Variants in PARP15 observed in about 807,000 individuals in gnomAD.
The protein encoded by PARP15 is protein mono-ADP-ribosyltransferase PARP15.
In PARP15, 50 loss-of-function variants were observed where a neutral mutation model predicts 62.1. The ratio of observed to expected loss-of-function variants is 0.81; its 90% CI spans 0.64 to 1.02. The LOEUF (loss-of-function observed/expected upper bound fraction) is 1.02, where lower values mean the gene tolerates loss of function less well. PARP15 is among the 50% of genes least tolerant of loss of function. PARP15 has a pLI of 0.00. For missense variants in PARP15, 820 were observed against 826.5 expected (o/e 0.99, Z 0.10); for synonymous variants, 309 against 293.1 (o/e 1.05, Z -0.55).
chr3:122,623,472 C>G (rs1378421562), intron 8 of PARP15, among the ~76,000 whole-genome samples: 1 of 152,146 alleles, frequency 6.6e-6, no homozygotes, highest in Non-Finnish European at 1.5e-5. Context: ...CAAGGGACTG[C>G]ATACAGAAAG....
chr3:122,602,061 A>G lies in PARP15; in HGVS notation c.187-3875A>G, dbSNP rs141919841. Among the ~76,000 whole-genome samples, 441 of 151,856 alleles carry G rather than the reference A, an allele frequency of 2.9e-3. 2 individuals carry two copies. Among genetic ancestry groups the G allele is most frequent in the African/African-American group, 0.01 (418 of 41,396 alleles). ...CTGAGCCACATTCTCTTTCTCTCAA[A>G]CTTGTGCAGTTATTCTTTGGACTTT... On this transcript the variant is annotated intron_variant, in intron 1 of 11. Coordinates refer to ENST00000464300, the MANE Select transcript of PARP15 (RefSeq NM_001113523.3).
rs114051840 is a variant in PARP15 at position 122,581,367 on chromosome 3, T to C, written c.186+3514T>C. On this transcript the variant is annotated intron_variant, in intron 1 of 11. Transcript: ENST00000464300. ...TCCAATTTCTTCACATCCTTGACAA[T>C]ACTTGTTATTTATTTTCTTTCTTCC... 4.2e-3 allele frequency among the ~76,000 whole-genome samples: 634 copies of C among 152,294 alleles called. 7 individuals carry two copies. The highest frequency in any genetic ancestry group is 0.015 in the African/African-American group (610 of 41,574).
intron 1 of PARP15, among the ~76,000 whole-genome samples, chr3:122,603,679 A>T (rs1276776447): frequency 6.6e-6 from 1 of 152,192 alleles, no homozygotes; most frequent in Non-Finnish European, 1.5e-5. Flanking sequence ...TAGTCTTCAC[A>T]TCAATGCTTT....
At position 122,577,728 on chromosome 3, in the gene PARP15, G is replaced by C. The variant is rs1374773302; in HGVS notation, c.61G>C (p.Glu21Gln). 3 of 1,551,728 alleles carry C rather than the reference G, an allele frequency of 1.9e-6. No homozygotes were observed. The highest frequency in any genetic ancestry group is 3.9e-5 in the Admixed American group (2 of 51,012). ...GAGTCCAGGGGCTCCGACCCCCAGA[G>C]AACTTATGCACGGAGTTGCAGGTGT... ...ALSPGAPTPRELMHGVAGVTS... is the reference protein window; with the variant it reads ...ALSPGAPTPRQLMHGVAGVTS... Residue 21 changes from glutamate (E) to glutamine (Q), a missense_variant, in exon 1 of 12, where the codon GAA becomes CAA. Transcript: ENST00000464300.
In PARP15 at chr3:122,610,669, G is replaced by C. The variant is rs1436265927; in HGVS notation, c.482G>C (p.Cys161Ser). The change falls in exon 3 of 12, where the codon TGC becomes TCC. Residue 161 changes from cysteine (C) to serine (S), a missense_variant. Around this residue, in one of 3 missense-constraint regions of PARP15, gnomAD observed 731 missense variants for 727.7 expected, o/e 1.00. Transcript: ENST00000464300. Reference protein sequence around the residue: ...IFMTSGCNLDCKAVLHAVAPY... With the variant: ...IFMTSGCNLDSKAVLHAVAPY... Reference sequence around the variant, plus strand: ...ATGACAAGCGGCTGCAATCTGGACTGCAAAGCTGTGCTCCATGCTGTGGCT... The same window carrying C: ...ATGACAAGCGGCTGCAATCTGGACTCCAAAGCTGTGCTCCATGCTGTGGCT... 2.6e-6 allele frequency: 4 copies of C among 1,550,232 alleles called. No homozygotes were observed. Among genetic ancestry groups the C allele is most frequent in the Non-Finnish European group, 3.5e-6 (4 of 1,146,234 alleles).
intron 7 of PARP15, 30 bp from the exon 8 acceptor site, chr3:122,621,414 G>A (rs1576534579): frequency 6.3e-7 from 1 of 1,581,058 alleles, no homozygotes; most frequent in Non-Finnish European, 8.6e-7. Flanking sequence ...TTAATGGGCT[G>A]CATGTTTGTT....
At chr3:122,589,888 C>CTTTT (rs34826853) in intron 1 of PARP15, among the ~76,000 whole-genome samples, 3 of 102,042 alleles carry the variant, frequency 2.9e-5, no homozygotes, top group Non-Finnish European at 5.9e-5. Context: ...TAAGGCATAA[C>CTTTT]TTTTTTTTTT....
At chr3:122,589,195 G>A (rs1352239943) in intron 1 of PARP15, among the ~76,000 whole-genome samples, 3 of 152,122 alleles carry the variant, frequency 2.0e-5, no homozygotes, top group African/African-American at 4.8e-5. Context: ...CTGGTTTGTC[G>A]ATGGCCCCTA....
At chr3:122,610,994 C>A (rs1365135742) in intron 3 of PARP15, among the ~76,000 whole-genome samples, 1 of 152,210 alleles carries the variant, frequency 6.6e-6, no homozygotes, top group Admixed American at 6.5e-5. Flanking sequence ...CTATTGAAAT[C>A]TTTATTACAT....
At position 122,577,651 on chromosome 3, in the gene PARP15, G is replaced by C; in HGVS notation, c.-17G>C. 1 of 1,551,488 alleles carries C rather than the reference G, an allele frequency of 6.4e-7. No individual in the cohort carries two copies. The highest frequency in any genetic ancestry group is 2.4e-5 in the East Asian group (1 of 40,914). ...GCCTGTTGGGTGGGGCGCAACTGCA[G>C]TCCCAGCGAGCTGAGGATGGCTGCG... On this transcript the variant is annotated 5_prime_UTR_variant, in exon 1 of 12. Coordinates refer to ENST00000464300, the MANE Select transcript of PARP15 (RefSeq NM_001113523.3).
At chr3:122,595,861 A>C (rs1934297576) in intron 1 of PARP15, among the ~76,000 whole-genome samples, 1 of 150,730 alleles carries the variant, frequency 6.6e-6, no homozygotes, top group African/African-American at 2.4e-5. Context: ...TTCTTTTCTC[A>C]TTCCTCTTCT....
intron 6 of PARP15, among the ~76,000 whole-genome samples, chr3:122,618,346 A>G (rs1376944586): frequency 2.0e-5 from 3 of 152,202 alleles, no homozygotes; most frequent in Non-Finnish European, 4.4e-5. Context: ...GGATATAAAC[A>G]CACAAGAAAA....
chr3:122,604,701 G>T (rs750227048), intron 1 of PARP15, among the ~76,000 whole-genome samples: 8 of 152,006 alleles, frequency 5.3e-5, no homozygotes, highest in Non-Finnish European at 8.8e-5. Context: ...TCTTTGTAAA[G>T]ATACAAAAAA....
chr3:122,593,341 C>A (rs1053020863), intron 1 of PARP15, among the ~76,000 whole-genome samples: 1 of 152,040 alleles, frequency 6.6e-6, no homozygotes, highest in Non-Finnish European at 1.5e-5. Flanking sequence ...GGGGTTTCAC[C>A]ATGTTGGCCA....
intron 9 of PARP15, among the ~76,000 whole-genome samples, 197 bp downstream of exon 9, chr3:122,627,230 A>G (rs1412293746): frequency 6.6e-6 from 1 of 152,234 alleles, no homozygotes; most frequent in Non-Finnish European, 1.5e-5. Flanking sequence ...CTGAGAGGCA[A>G]AATCATGCCT....
intron 1 of PARP15, among the ~76,000 whole-genome samples, chr3:122,586,891 T>C (rs1393525918): frequency 1.3e-5 from 2 of 152,214 alleles, no homozygotes; most frequent in African/African-American, 2.4e-5. Context: ...ATAATATGTA[T>C]ATACCATTAC....
chr3:122,606,536 C>T (rs74695419), intron 2 of PARP15, among the ~76,000 whole-genome samples: 1,821 of 152,302 alleles, frequency 0.012, 28 homozygotes, highest in African/African-American at 0.041. Context: ...GCCTACCCCT[C>T]CTCTCCTACT....
intron 1 of PARP15, among the ~76,000 whole-genome samples, chr3:122,578,322 T>G (rs2080728208): frequency 6.6e-6 from 1 of 152,192 alleles, no homozygotes; most frequent in Non-Finnish European, 1.5e-5. Flanking sequence ...ACACCCAAGT[T>G]ATAGAAGAGT....
At chr3:122,585,762 ACTC>A (rs2107806749) in intron 1 of PARP15, among the ~76,000 whole-genome samples, 1 of 152,232 alleles carries the variant, frequency 6.6e-6, no homozygotes, top group African/African-American at 2.4e-5. Flanking sequence ...TATCACATGG[ACTC>A]CATAAACTGC....
Sources: gnomAD v4.1 joint callset for allele counts (sites outside exome capture counted in the v4.1 genomes callset) on GRCh38, gnomAD v4.1.1 for gene constraint, gnomAD v4.1.1 regional missense constraint, MANE v1.5 for transcripts, NCBI Gene and HGNC (gene_info 2026-07-23, HGNC 2026-07-21) for gene names.